SLC8B1: variants seen among roughly 807,000 people sequenced by gnomAD.
The protein encoded by SLC8B1 is mitochondrial sodium/calcium exchanger protein.
A neutral mutation model predicts 63.4 loss-of-function variants in SLC8B1; 52 were observed. That is an observed-to-expected ratio of 0.82 (90% CI 0.66 to 1.03). SLC8B1 has a LOEUF of 1.03. Ranked by LOEUF, SLC8B1 falls within the 50% of genes least tolerant of loss-of-function variation. The probability of loss-of-function intolerance (pLI) is 0.00; values close to 1 mark genes in which losing one functional copy is unlikely to be tolerated. For missense variants in SLC8B1, 657 were observed against 741.7 expected, an observed-to-expected ratio of 0.89 and a Z score of 1.33; for synonymous variants, 336 against 323.9, an observed-to-expected ratio of 1.04 and a Z score of -0.40.
rs11459308 is a variant in SLC8B1 at position 113,298,783 on chromosome 12, C to CT, written c.*993dup. The CT allele has an allele frequency of 0.23, 35,327 of 151,684 alleles. 4,755 individuals carry two copies. Among genetic ancestry groups the CT allele is most frequent in the African/African-American group, 0.37 (15,173 of 41,310 alleles). 9.4% of individuals were successfully genotyped at this position (151,684 alleles called of 1,614,324 possible). ...ATTTTCTCTACACTTGAAATTTTGACTTTTTTTTTATTTGGAAAAGAGACA... is the reference window on the plus strand; with the variant it reads ...ATTTTCTCTACACTTGAAATTTTGACTTTTTTTTTTATTTGGAAAAGAGACA... On this transcript the variant is annotated 3_prime_UTR_variant, in exon 16 of 16. Coordinates refer to ENST00000680972, the MANE Select transcript of SLC8B1 (RefSeq NM_001358345.2).
At chr12:113,333,103 C>G (rs967643866) in intron 1 of SLC8B1, 143 bp from the exon 2 acceptor site, 5 of 581,382 alleles carry the variant, frequency 8.6e-6, no homozygotes, top group African/African-American at 3.8e-5. Context: ...ATGTTCTGCA[C>G]AGTCTCGCTG....
At chr12:113,311,697 ATTTTTTTTT>A (rs58060872) in intron 11 of SLC8B1, among the ~76,000 whole-genome samples, 4 of 95,394 alleles carry the variant, frequency 4.2e-5, no homozygotes, top group African/African-American at 1.6e-4. Context: ...GTCAAGGGGG[ATTTTTTTTT>A]TTTTTTTTTT....
rs1374753530 is a variant in SLC8B1, at chr12:113,320,309, C to G, written c.694+22G>C. 2 of 1,612,128 alleles carry G rather than the reference C, an allele frequency of 1.2e-6. No individual in the cohort carries two copies. The highest frequency in any genetic ancestry group is 1.7e-6 in the Non-Finnish European group (2 of 1,178,962). ...TGCCCATCAGCCCTGGGATCTCACG[C>G]CTGAGCCCCAGAGCTGCTCACCCAG... On this transcript the variant is annotated intron_variant, in intron 7 of 15. Coordinates refer to ENST00000680972, the MANE Select transcript of SLC8B1 (RefSeq NM_001358345.2). This position sits in a 1 kb window ranked among gnomAD's most constrained non-coding sequence, Gnocchi z 5.3.
intron 2 of SLC8B1, among the ~76,000 whole-genome samples, chr12:113,327,668 TG>T (rs749549703): frequency 7.1e-4 from 96 of 135,726 alleles, no homozygotes; most frequent in Non-Finnish European, 1.3e-3. Flanking sequence ...GGCAACAGAG[TG>T]AGACTCTGTC....
intron 2 of SLC8B1, among the ~76,000 whole-genome samples, chr12:113,326,521 C>T (rs1473782591): frequency 6.6e-6 from 1 of 152,106 alleles, no homozygotes; most frequent in East Asian, 1.9e-4. Flanking sequence ...ATATGTGCCA[C>T]CACGCCTGGC....
chr12:113,326,820 A>C (rs1197630278), intron 2 of SLC8B1, among the ~76,000 whole-genome samples: 3 of 152,018 alleles, frequency 2.0e-5, no homozygotes, highest in Non-Finnish European at 2.9e-5. Flanking sequence ...TGGAGCTACA[A>C]ATGTGAGCCC....
At chr12:113,332,424 C>T (rs1957069054) in intron 2 of SLC8B1, among the ~76,000 whole-genome samples, 1 of 152,140 alleles carries the variant, frequency 6.6e-6, no homozygotes, top group African/African-American at 2.4e-5. Flanking sequence ...GCCACCATGC[C>T]CAGCTAATTT....
chr12:113,321,514 C>T (rs1328271638), intron 2 of SLC8B1, among the ~76,000 whole-genome samples, 166 bp from the exon 3 acceptor site: 1 of 152,112 alleles, frequency 6.6e-6, no homozygotes, highest in Non-Finnish European at 1.5e-5. Context: ...AAATAAACGT[C>T]TGCTTGAAAT....
rs1340599613 is a variant in SLC8B1, at chr12:113,299,748, A to C, written c.*29T>G. The C allele has an allele frequency of 6.2e-7, 1 of 1,605,976 alleles. No individual in the cohort carries two copies. On this transcript the variant is annotated 3_prime_UTR_variant, in exon 16 of 16. Transcript: ENST00000680972. ...CAGGAGGGGCGGGGCTCCTGCCTGC[A>C]GTGAGGCCACAGCACTAAGCGGCTT...
At chr12:113,314,685 TTCTC>T (rs1956811225) in intron 11 of SLC8B1, among the ~76,000 whole-genome samples, 1 of 152,328 alleles carries the variant, frequency 6.6e-6, no homozygotes, top group South Asian at 2.1e-4. Flanking sequence ...GGGGTGCCCC[TTCTC>T]TGCTCCAGCC....
At chr12:113,333,345 A>G (rs1179411531) in intron 1 of SLC8B1, among the ~76,000 whole-genome samples, 1 of 152,190 alleles carries the variant, frequency 6.6e-6, no homozygotes, top group Non-Finnish European at 1.5e-5. Flanking sequence ...CCTCAAAACA[A>G]AACAAAACAA....
chr12:113,322,173 C>T (rs1956940307), intron 2 of SLC8B1, among the ~76,000 whole-genome samples: 1 of 151,494 alleles, frequency 6.6e-6, no homozygotes, highest in Admixed American at 6.6e-5. Flanking sequence ...AGAATGAGAT[C>T]TTGTCTCAAA....
At chr12:113,303,141 A>ACACACACACACACACACACACACACG (rs773636454) in intron 15 of SLC8B1, among the ~76,000 whole-genome samples, 1 of 145,638 alleles carries the variant, frequency 6.9e-6, no homozygotes, top group African/African-American at 2.6e-5. Context: ...ACACACACAC[A>ACACACACACACACACACACACACACG]CGCGCGCGCA....
chr12:113,307,109 TCAAAAAAAA>T (rs1956685460), intron 13 of SLC8B1, among the ~76,000 whole-genome samples: 1 of 36,552 alleles, frequency 2.7e-5, no homozygotes, highest in African/African-American at 9.1e-5. Context: ...AGCCTCCATC[TCAAAAAAAA>T]AAAAAAAAAA....
At chr12:113,332,586 G>A (rs956850619) in intron 2 of SLC8B1, 137 bp downstream of exon 2, 2 of 1,060,254 alleles carry the variant, frequency 1.9e-6, no homozygotes, top group South Asian at 1.7e-5. Context: ...CTTGAGAGTA[G>A]TGAATTTTGT....
At chr12:113,315,539 A>G in intron 10 of SLC8B1, 63 bp from the exon 11 acceptor site, 1 of 1,478,792 alleles carries the variant, frequency 6.8e-7, no homozygotes, top group Non-Finnish European at 9.0e-7. Context: ...CCGGCCACAG[A>G]TGGACTTCAG....
chr12:113,316,371 C>T (rs1440838134), intron 10 of SLC8B1, among the ~76,000 whole-genome samples, 155 bp downstream of exon 10: 1 of 152,212 alleles, frequency 6.6e-6, no homozygotes, highest in East Asian at 1.9e-4. Flanking sequence ...CAGCCAAGCT[C>T]CACGCCTCAG....
At chr12:113,318,125 CTGTG>C (rs1956863222) in intron 8 of SLC8B1, among the ~76,000 whole-genome samples, 1 of 151,646 alleles carries the variant, frequency 6.6e-6, no homozygotes. Flanking sequence ...TGTTGTGTAT[CTGTG>C]TATGTTGTAT....
intron 12 of SLC8B1, 32 bp downstream of exon 12, chr12:113,310,202 C>A: frequency 6.2e-7 from 1 of 1,606,770 alleles, no homozygotes. Flanking sequence ...AGCATCCCTC[C>A]CCCCCCATCT....
Sources: gnomAD v4.1 joint callset for allele counts (sites outside exome capture counted in the v4.1 genomes callset) on GRCh38, gnomAD v4.1.1 for gene constraint, Gnocchi (gnomAD v3.1) non-coding constraint, MANE v1.5 for transcripts, NCBI Gene and HGNC (gene_info 2026-07-23, HGNC 2026-07-21) for gene names.